Variants in UBA2 observed in about 807,000 individuals in gnomAD.
UBA2 encodes the protein ubiquitin like modifier activating enzyme 2.
In UBA2, 11 loss-of-function variants were observed where a neutral mutation model predicts 77.2. The ratio of observed to expected loss-of-function variants is 0.14; its 90% CI spans 0.09 to 0.24. The LOEUF (loss-of-function observed/expected upper bound fraction) is 0.24, where lower values mean the gene tolerates loss of function less well. UBA2 is among the 10% of genes least tolerant of loss of function. UBA2 has a pLI of 1.00. For synonymous variants in UBA2, 278 were observed against 276.7 expected, an observed-to-expected ratio of 1.00 and a Z score of -0.05; for missense variants, 487 against 781.7, an observed-to-expected ratio of 0.62 and a Z score of 4.50.
rs896655304 is a variant in UBA2 at position 34,469,555 on chromosome 19, G to A, written c.*334G>A. On this transcript the variant is annotated 3_prime_UTR_variant, in exon 17 of 17. Transcript: ENST00000246548. ...TTGTGGTTTAGTAAAGTTGATACCT[G>A]GTTATAAATATTATGCCTTTATTTT... 1.3e-5 allele frequency: 2 copies of A among 157,654 alleles called. No individual in the cohort carries two copies. Among genetic ancestry groups the A allele is most frequent in the African/African-American group, 2.4e-5 (1 of 41,634 alleles). The allele number at this position is 157,654 out of a possible 1,614,324, so 9.8% of individuals were successfully genotyped here. A position where few individuals can be genotyped will look rare whatever the true frequency, so the allele number is the denominator to read the frequency against.
intron 10 of UBA2, among the ~76,000 whole-genome samples, chr19:34,453,433 G>C (rs1485803523): frequency 6.6e-6 from 1 of 151,864 alleles, no homozygotes; most frequent in East Asian, 1.9e-4. Context: ...CAGCATATGT[G>C]AGAGAGTGGT....
chr19:34,449,132 C>T lies in UBA2; in HGVS notation c.772-1133C>T, dbSNP rs576041913. On this transcript the variant is annotated intron_variant, in intron 8 of 16. Coordinates refer to ENST00000246548, the MANE Select transcript of UBA2 (RefSeq NM_005499.3). ...GTTGCCAGGCTGGAGTGCAGTGGTG[C>T]GATCTCAGCTGACTGCACTCTCCGC... Among the ~76,000 whole-genome samples the T allele has an allele frequency of 5.3e-5, 7 of 131,476 alleles. No homozygotes were observed. In the South Asian group the frequency reaches 1.4e-3, roughly 26 times the overall value. 86.3% of individuals were successfully genotyped at this position (131,476 alleles called of 152,430 possible).
chr19:34,458,885 G>C lies in UBA2; in HGVS notation c.1362G>C (p.Leu454=), dbSNP rs2075601368. The change falls in exon 13 of 17, where the codon CTG becomes CTC. Residue 454 remains leucine, a synonymous_variant. Transcript: ENST00000246548. Reference sequence around the variant, plus strand: ...GCAAGCCAGAGGTGACTGTGCGGCTGAATGTCCATAAAGTGACTGTTCTCA... The same window carrying C: ...GCAAGCCAGAGGTGACTGTGCGGCTCAATGTCCATAAAGTGACTGTTCTCA... The part of the protein sequence containing the change: ...CASKPEVTVR[L]NVHKVTVLTL... 2 of 1,613,970 alleles carry C rather than the reference G, an allele frequency of 1.2e-6. No homozygotes were observed. Among genetic ancestry groups the C allele is most frequent in the Admixed American group, 1.7e-5 (1 of 59,986 alleles).
chr19:34,437,055 A>T (rs985385449), intron 5 of UBA2, among the ~76,000 whole-genome samples: 5 of 152,152 alleles, frequency 3.3e-5, no homozygotes, highest in African/African-American at 1.2e-4. Flanking sequence ...TTTCAGAGAA[A>T]ACTCTAAATC....
In UBA2 at chr19:34,469,257, T is replaced by C; in HGVS notation, c.*36T>C. The C allele has an allele frequency of 1.3e-6, 2 of 1,502,138 alleles. No homozygotes were observed. Among genetic ancestry groups the C allele is most frequent in the Non-Finnish European group, 1.8e-6 (2 of 1,130,714 alleles). 93.1% of individuals were successfully genotyped at this position (1,502,138 alleles called of 1,614,324 possible). ...CTCTAAACAGAACCCTCTTACTATT[T>C]AGTTTATCTGGGCAGAACCAGATTG... On this transcript the variant is annotated 3_prime_UTR_variant, in exon 17 of 17. Transcript: ENST00000246548.
chr19:34,456,316 G>A (rs1360979827), intron 12 of UBA2, among the ~76,000 whole-genome samples: 1 of 150,914 alleles, frequency 6.6e-6, no homozygotes, highest in Non-Finnish European at 1.5e-5. Context: ...TGTTTCACCT[G>A]TTGCCCAGAT....
At chr19:34,452,873 G>C (rs927022747) in intron 10 of UBA2, among the ~76,000 whole-genome samples, 1 of 152,208 alleles carries the variant, frequency 6.6e-6, no homozygotes, top group African/African-American at 2.4e-5. Flanking sequence ...CTAAAATGAA[G>C]CTAGTATATT....
At chr19:34,432,687 A>G (rs1214484120) in intron 3 of UBA2, among the ~76,000 whole-genome samples, 2 of 152,026 alleles carry the variant, frequency 1.3e-5, no homozygotes, top group Non-Finnish European at 2.9e-5. Context: ...CCTCCTGAGT[A>G]GTTGGGATTA....
At chr19:34,441,536 A>ACCTTCTC (rs1310250074) in intron 6 of UBA2, among the ~76,000 whole-genome samples, 5 of 152,200 alleles carry the variant, frequency 3.3e-5, no homozygotes, top group African/African-American at 1.2e-4. Flanking sequence ...CAACCCGATA[A>ACCTTCTC]AGGGTATTTT....
In UBA2 at chr19:34,469,109, G is replaced by T. The variant is rs748996487; in HGVS notation, c.1811G>T (p.Ser604Ile). The change falls in exon 17 of 17, where the codon AGT becomes ATT. Residue 604 changes from serine to isoleucine, a missense_variant. This residue lies in a region of UBA2 where 40 missense variants were observed against 36.6 expected (regional missense o/e 1.09). Coordinates refer to ENST00000246548, the MANE Select transcript of UBA2 (RefSeq NM_005499.3). The stretch of plus-strand genomic sequence containing the variant: ...GATTCTTCAAATAATGCCGACGTCA[G>T]TGAAGAAGAGAGAAGCCGCAAGAGG... ...EEDSSNNADV[S>I]EEERSRKRKL... The T allele has an allele frequency of 3.7e-6, 6 of 1,613,570 alleles. No homozygotes were observed. Among genetic ancestry groups the T allele is most frequent in the South Asian group, 3.3e-5 (3 of 91,014 alleles).
At chr19:34,458,452 C>T (rs988558886) in intron 12 of UBA2, among the ~76,000 whole-genome samples, 4 of 149,054 alleles carry the variant, frequency 2.7e-5, no homozygotes, top group East Asian at 2.0e-4. Context: ...CCCAGCTACT[C>T]GGGAGGCTGA....
At chr19:34,439,518 C>G (rs749140983) in intron 6 of UBA2, among the ~76,000 whole-genome samples, 17 of 152,134 alleles carry the variant, frequency 1.1e-4, no homozygotes, top group Non-Finnish European at 1.6e-4. Flanking sequence ...AGAAAATGAA[C>G]CACAGAATAC....
intron 13 of UBA2, 95 bp downstream of exon 13, chr19:34,459,019 T>G: frequency 7.8e-7 from 1 of 1,287,462 alleles, no homozygotes; most frequent in Non-Finnish European, 1.1e-6. Context: ...AAGGTCCAAC[T>G]GCAGAGATGT....
chr19:34,460,450 C>CT lies in UBA2; in HGVS notation c.1402-20_1402-19insT. On this transcript the variant is annotated intron_variant, in intron 13 of 16. Transcript: ENST00000246548. The stretch of plus-strand genomic sequence containing the variant: ...AATTACCTACGTTAATATTTTGAAT[C>CT]CTTTTTTTTTTTTTTGTAGATAGTG... 2.3e-6 allele frequency: 3 copies of CT among 1,295,642 alleles called. No homozygotes were observed. The highest frequency in any genetic ancestry group is 3.3e-6 in the Non-Finnish European group (3 of 918,312). The allele number at this position is 1,295,642 out of a possible 1,614,324, so 80.3% of individuals were successfully genotyped here. A position where few individuals can be genotyped will look rare whatever the true frequency, so the allele number is the denominator to read the frequency against.
chr19:34,431,114 A>G (rs1193143734), intron 2 of UBA2, among the ~76,000 whole-genome samples: 1 of 151,012 alleles, frequency 6.6e-6, no homozygotes, highest in Non-Finnish European at 1.5e-5. Context: ...GCAAACCCCC[A>G]CTTGTTTCTC....
rs373876679 is a variant in UBA2 at position 34,428,587 on chromosome 19, C to T, written c.138+17C>T. ...ATCGACCTGGTGAGGGCCGGGCGCGCGCGCGTGAATGGCGGGCTGTGGTGC... is the reference window on the plus strand; with the variant it reads ...ATCGACCTGGTGAGGGCCGGGCGCGTGCGCGTGAATGGCGGGCTGTGGTGC... On this transcript the variant is annotated intron_variant, in intron 1 of 16. Transcript: ENST00000246548. The T allele has an allele frequency of 1.2e-5, 15 of 1,210,192 alleles. No individual in the cohort carries two copies. Among genetic ancestry groups the T allele is most frequent in the Admixed American group, 3.4e-5 (1 of 29,182 alleles). 75.0% of individuals were successfully genotyped at this position (1,210,192 alleles called of 1,614,324 possible).
intron 14 of UBA2, among the ~76,000 whole-genome samples, chr19:34,462,311 G>A (rs925497184): frequency 3.3e-5 from 5 of 152,202 alleles, no homozygotes; most frequent in Non-Finnish European, 7.3e-5. Flanking sequence ...TTGAGGAATA[G>A]CATTACAATG....
rs1166111686 is a variant in UBA2, at chr19:34,468,785, A to C, written c.1742-255A>C. On this transcript the variant is annotated intron_variant, in intron 16 of 16. Transcript: ENST00000246548. ...TTCTATTGGAGAATGTGGAGGTAGA[A>C]TCAAGGATGTGTAATGAGTACTTTG... is the stretch of plus-strand genomic sequence containing the variant. 3.3e-5 allele frequency among the ~76,000 whole-genome samples: 5 copies of C among 152,258 alleles called. No homozygotes were observed. In the East Asian group the frequency reaches 9.6e-4, roughly 29 times the overall value.
At chr19:34,460,358 C>T (rs1455659296) in intron 13 of UBA2, 112 bp from the exon 14 acceptor site, 7 of 732,926 alleles carry the variant, frequency 9.6e-6, no homozygotes, top group African/African-American at 3.6e-5. Context: ...GTGACTTCGC[C>T]GGTTTCCAAT....
Sources: allele counts gnomAD v4.1 joint callset (sites outside exome capture counted in the v4.1 genomes callset), GRCh38; gene constraint gnomAD v4.1.1; regional missense constraint gnomAD v4.1.1; transcripts MANE v1.5; gene names NCBI Gene and HGNC (gene_info 2026-07-23, HGNC 2026-07-21).